Variants in ATIC observed in about 807,000 individuals in gnomAD.
ATIC encodes 5-aminoimidazole-4-carboxamide ribonucleotide formyltransferase/IMP cyclohydrolase.
Under a neutral mutation model 72.5 loss-of-function variants are expected in ATIC, and 64 were observed. The ratio of observed to expected loss-of-function variants is 0.88; its 90% CI spans 0.72 to 1.09. The LOEUF (loss-of-function observed/expected upper bound fraction) is 1.09, where lower values mean the gene tolerates loss of function less well. Ranked by LOEUF, ATIC falls within the 50% of genes least tolerant of loss-of-function variation. ATIC has a pLI of 0.00. For missense variants in ATIC, 787 were observed against 732.4 expected, an observed-to-expected ratio of 1.07 and a Z score of -0.86; for synonymous variants, 281 against 267.1, an observed-to-expected ratio of 1.05 and a Z score of -0.51.
At chr2:215,314,314 G>A (rs1575111671) in intron 2 of ATIC, among the ~76,000 whole-genome samples, 1 of 152,098 alleles carries the variant, frequency 6.6e-6, no homozygotes, top group African/African-American at 2.4e-5. Flanking sequence ...TTCAACAAAG[G>A]CCACATTCAG....
intron 12 of ATIC, among the ~76,000 whole-genome samples, chr2:215,339,402 G>A (rs1024035564): frequency 2.6e-5 from 4 of 152,088 alleles, no homozygotes; most frequent in Non-Finnish European, 5.9e-5. Flanking sequence ...TGTAGGTCCA[G>A]CTACTCGAGA....
At chr2:215,332,354 T>G in intron 7 of ATIC, 28 bp from the exon 8 acceptor site, 1 of 1,613,978 alleles carries the variant, frequency 6.2e-7, no homozygotes, top group African/African-American at 1.3e-5. Flanking sequence ...TCCTGCTTAG[T>G]AATGTGCATG....
chr2:215,344,729 A>G (rs2053054307), intron 12 of ATIC, 50 bp from the exon 13 acceptor site: 2 of 1,538,258 alleles, frequency 1.3e-6, no homozygotes, highest in African/African-American at 2.7e-5. Context: ...GCTTAAAGTT[A>G]AATGAGTTTA....
At chr2:215,316,861 C>G (rs1575112719) in intron 2 of ATIC, among the ~76,000 whole-genome samples, 1 of 152,192 alleles carries the variant, frequency 6.6e-6, no homozygotes, top group Non-Finnish European at 1.5e-5. Context: ...CTCCCGGGTT[C>G]AAGCGATTCT....
At chr2:215,362,089 T>G in the ATIC span, 2 of 1,606,652 alleles carry the variant, frequency 1.2e-6, no homozygotes, top group Admixed American at 3.3e-5. Context: ...CCTGAGAGAG[T>G]AGAGGCATGA....
chr2:215,368,359 A>C, the ATIC span, among the ~76,000 whole-genome samples: 2 of 152,210 alleles, frequency 1.3e-5, no homozygotes, highest in Non-Finnish European at 2.9e-5. Flanking sequence ...GGATGCAAAG[A>C]CTAATGATGC....
intron 3 of ATIC, among the ~76,000 whole-genome samples, chr2:215,319,248 T>G (rs1015688647): frequency 6.6e-6 from 1 of 152,144 alleles, no homozygotes; most frequent in Non-Finnish European, 1.5e-5. Context: ...ATTCTTTAAT[T>G]AAGAATATTA....
In ATIC at chr2:215,318,221, G is replaced by A. The variant is rs1207347094; in HGVS notation, c.211G>A (p.Ala71Thr). The A allele has an allele frequency of 6.2e-7, 1 of 1,613,632 alleles. No individual in the cohort carries two copies. The highest frequency in any genetic ancestry group is 1.3e-5 in the African/African-American group (1 of 74,922). ...LGGRVKTLHPAVHAGILARNI... is the reference protein window; with the variant it reads ...LGGRVKTLHPTVHAGILARNI... ...GGGACGTGTGAAAACTTTGCATCCT[G>A]CAGTCCATGCTGGTAAGTGGTTGGT... The change falls in exon 3 of 16, where the codon GCA becomes ACA. Residue 71 changes from alanine to threonine, a missense_variant. By Grantham distance (58) the Ala-to-Thr change is moderately conservative (BLOSUM62 0). Coordinates refer to ENST00000236959, the MANE Select transcript of ATIC (RefSeq NM_004044.7).
chr2:215,358,153 A>G, the ATIC span, among the ~76,000 whole-genome samples: 2 of 152,186 alleles, frequency 1.3e-5, no homozygotes, highest in African/African-American at 4.8e-5. Flanking sequence ...TAGTGATGTT[A>G]TTATACAGAC....
chr2:215,313,962 C>T (rs546218426), intron 2 of ATIC, among the ~76,000 whole-genome samples: 4 of 152,176 alleles, frequency 2.6e-5, no homozygotes, highest in African/African-American at 4.8e-5. Context: ...ATGGAACCTT[C>T]GTAAAGCAAA....
the ATIC span, chr2:215,361,304 A>C: frequency 4.5e-6 from 2 of 449,036 alleles, no homozygotes; most frequent in Non-Finnish European, 8.0e-6. Context: ...CTTCATTTAA[A>C]ATACTGAGCG....
At chr2:215,320,227 C>G (rs536846203) in intron 4 of ATIC, among the ~76,000 whole-genome samples, 2 of 152,108 alleles carry the variant, frequency 1.3e-5, no homozygotes, top group Non-Finnish European at 2.9e-5. Context: ...CTTAAATATA[C>G]GTAACAGCTT....
At chr2:215,330,352 G>A (rs535295533) in intron 7 of ATIC, among the ~76,000 whole-genome samples, 2 of 151,964 alleles carry the variant, frequency 1.3e-5, no homozygotes, top group African/African-American at 4.8e-5. Flanking sequence ...TTTTTAAAAC[G>A]GGCTTTATTT....
chr2:215,360,436 A>G, the ATIC span: 6 of 152,186 alleles, frequency 3.9e-5, no homozygotes, highest in African/African-American at 1.4e-4. Flanking sequence ...ACTCCTCCAT[A>G]TTATACTATT....
chr2:215,362,570 C>T, the ATIC span: 3 of 166,276 alleles, frequency 1.8e-5, no homozygotes, highest in Admixed American at 1.7e-4. Flanking sequence ...TTGGGCCTGC[C>T]GCCCAGGAGG....
rs149185538 is a variant in ATIC at position 215,349,591 on chromosome 2, T to C, written c.1715T>C (p.Ile572Thr). 494 of 1,614,198 alleles carry C rather than the reference T, an allele frequency of 3.1e-4. 3 individuals carry two copies. In the African/African-American group the frequency reaches 5.8e-3, roughly 19 times the overall value. ...PSGSAADKVV[I>T]EACDELGIIL... Reference sequence around the variant, plus strand: ...GGTTCTGCTGCTGACAAAGTTGTGATTGAGGCCTGCGACGAACTGGGAATC... The same window carrying C: ...GGTTCTGCTGCTGACAAAGTTGTGACTGAGGCCTGCGACGAACTGGGAATC... Residue 572 changes from isoleucine (I) to threonine (T), a missense_variant, in exon 16 of 16, where the codon ATT becomes ACT. Transcript: ENST00000236959.
Position 215,332,471 on chromosome 2 carries a change from C to A in ATIC, c.778C>A (p.Pro260Thr), listed in dbSNP as rs767907801. The change falls in exon 8 of 16, where the codon CCA (proline) becomes ACA (threonine). Residue 260 changes from proline to threonine, a missense_variant. By Grantham distance (38) the Pro-to-Thr change is conservative. Transcript: ENST00000236959. The stretch of plus-strand genomic sequence containing the variant: ...GGAACTCAAGGAGGCTTTAGGTATT[C>A]CAGCCGCTGCCTCTTTCAAACATGT... ...VKELKEALGI[P>T]AAASFKHVSP... The A allele has an allele frequency of 1.9e-6, 3 of 1,614,094 alleles. No individual in the cohort carries two copies. In the East Asian group the frequency reaches 6.7e-5, roughly 36 times the overall value.
the ATIC span, among the ~76,000 whole-genome samples, chr2:215,357,401 A>G: frequency 3.3e-5 from 5 of 152,294 alleles, no homozygotes; most frequent in African/African-American, 9.6e-5. Flanking sequence ...GCTAGTTTCA[A>G]TCCTTTGGGG....
chr2:215,361,737 TA>T, the ATIC span: 1 of 1,017,976 alleles, frequency 9.8e-7, no homozygotes, highest in Non-Finnish European at 1.5e-6. Flanking sequence ...GATAGGATAA[TA>T]TTTCTTCCTA....
Sources: gnomAD v4.1 joint callset for allele counts (sites outside exome capture counted in the v4.1 genomes callset) on GRCh38, gnomAD v4.1.1 for gene constraint, MANE v1.5 for transcripts, NCBI Gene and HGNC (gene_info 2026-07-23, HGNC 2026-07-21) for gene names.